Variants in NTRK3 observed in about 807,000 individuals in gnomAD.
The protein encoded by NTRK3 is NT-3 growth factor receptor.
NTRK3 carries 24 observed loss-of-function variants against 91.7 expected under a neutral mutation model. The observed-to-expected ratio is 0.26, with a 90% CI of 0.19 to 0.37. NTRK3 has a LOEUF of 0.37. Among genes scored for constraint, NTRK3 ranks in the 10% least tolerant of loss-of-function variants. The pLI, the probability that NTRK3 is intolerant of heterozygous loss-of-function variation, is 1.00. For synonymous variants in NTRK3, 483 were observed against 404.0 expected, an observed-to-expected ratio of 1.20 and a Z score of -2.34; for missense variants, 880 against 1,068.9, an observed-to-expected ratio of 0.82 and a Z score of 2.46.
chr15:87,902,871 A>G (rs1165404437), intron 17 of NTRK3, among the ~76,000 whole-genome samples: 4 of 152,144 alleles, frequency 2.6e-5, no homozygotes, highest in Non-Finnish European at 5.9e-5. Flanking sequence ...CCCAGCTAGG[A>G]TGAAACTACG....
chr15:87,987,798 A>C (rs939589396), intron 14 of NTRK3, among the ~76,000 whole-genome samples: 1 of 152,066 alleles, frequency 6.6e-6, no homozygotes, highest in Middle Eastern at 3.4e-3. Flanking sequence ...TTCCTTTAAA[A>C]GTACTACGTT....
At chr15:88,142,141 A>C (rs928510921) in intron 6 of NTRK3, among the ~76,000 whole-genome samples, 1 of 151,892 alleles carries the variant, frequency 6.6e-6, no homozygotes, top group African/African-American at 2.4e-5. Flanking sequence ...CAAGAAGCAA[A>C]GACCGGCACA....
intron 16 of NTRK3, among the ~76,000 whole-genome samples, chr15:87,931,617 G>A (rs1041354233): frequency 6.6e-6 from 1 of 152,176 alleles, no homozygotes; most frequent in Non-Finnish European, 1.5e-5. Context: ...TTATGCTAAA[G>A]ACAAAGTTCT....
chr15:88,248,922 C>A (rs1437947972), intron 3 of NTRK3, among the ~76,000 whole-genome samples: 4 of 152,168 alleles, frequency 2.6e-5, no homozygotes, highest in Non-Finnish European at 5.9e-5. Context: ...CAACAGGGTG[C>A]TTACATAATG....
intron 13 of NTRK3, among the ~76,000 whole-genome samples, chr15:88,078,300 G>T (rs538287279): frequency 6.6e-6 from 1 of 152,296 alleles, no homozygotes; most frequent in Admixed American, 6.5e-5. Flanking sequence ...TGGCGAAGAA[G>T]CACATACCTC....
At chr15:88,067,655 C>T (rs1345809379) in intron 13 of NTRK3, among the ~76,000 whole-genome samples, 2 of 152,130 alleles carry the variant, frequency 1.3e-5, no homozygotes, top group Non-Finnish European at 2.9e-5. Flanking sequence ...CTAGACCTGC[C>T]CTGGATGAGT....
intron 14 of NTRK3, among the ~76,000 whole-genome samples, chr15:87,948,701 T>C (rs2070807151): frequency 6.6e-6 from 1 of 151,860 alleles, no homozygotes; most frequent in African/African-American, 2.4e-5. Context: ...AATAAATAAA[T>C]AAAATAAAAA....
At chr15:88,184,156 C>G in intron 4 of NTRK3, 69 bp downstream of exon 4, 1 of 1,504,674 alleles carries the variant, frequency 6.6e-7, no homozygotes, top group East Asian at 2.3e-5. Context: ...CACGCCACCC[C>G]AGAAGGCAGA....
At chr15:87,910,277 A>G (rs1437314183) in intron 17 of NTRK3, among the ~76,000 whole-genome samples, 2 of 152,198 alleles carry the variant, frequency 1.3e-5, no homozygotes, top group African/African-American at 2.4e-5. Flanking sequence ...CAGGTTTTGG[A>G]CTGACCAGGC....
In NTRK3 at chr15:87,903,787, G is replaced by A. The variant is rs568849140; in HGVS notation, c.2134-23359C>T. Among the ~76,000 whole-genome samples the A allele has an allele frequency of 5.9e-5, 9 of 152,290 alleles. No individual in the cohort carries two copies. In the South Asian group the frequency reaches 1.9e-3, roughly 32 times the overall value. ...TTAATGATCTTGGATCACAAGACTT[G>A]GGATAGCAATGAAAAGGGGGGAAAC... On this transcript the variant is annotated intron_variant, in intron 17 of 18. Coordinates refer to ENST00000394480, the Ensembl canonical transcript of NTRK3.
At chr15:88,028,019 G>A (rs927889585) in intron 14 of NTRK3, among the ~76,000 whole-genome samples, 10 of 152,190 alleles carry the variant, frequency 6.6e-5, no homozygotes, top group Non-Finnish European at 2.9e-5. Flanking sequence ...CGAACAGGGT[G>A]TGGAAGGAAA....
At chr15:88,120,143 TCTAATCATTCC>T (rs1251955726) in intron 13 of NTRK3, among the ~76,000 whole-genome samples, 2 of 152,060 alleles carry the variant, frequency 1.3e-5, no homozygotes, top group East Asian at 1.9e-4. Flanking sequence ...CCTTCCCAAC[TCTAATCATTCC>T]CTTAGACAAC....
chr15:88,189,602 A>G (rs28387067), intron 3 of NTRK3, among the ~76,000 whole-genome samples: 51,351 of 151,524 alleles, frequency 0.34, 8,928 homozygotes, highest in African/African-American at 0.42. Flanking sequence ...GTGCCACCAC[A>G]CCCAGCTAAT....
intron 17 of NTRK3, among the ~76,000 whole-genome samples, chr15:87,887,580 C>G (rs1460459066): frequency 6.6e-6 from 1 of 152,140 alleles, no homozygotes; most frequent in Non-Finnish European, 1.5e-5. Flanking sequence ...ACCTAATTTC[C>G]TCAAATTTCC....
intron 5 of NTRK3, among the ~76,000 whole-genome samples, chr15:88,149,054 A>C (rs1181446357): frequency 1.3e-5 from 2 of 152,202 alleles, no homozygotes; most frequent in African/African-American, 4.8e-5. Context: ...CCAAAGAGAT[A>C]AGTCAAATTG....
intron 13 of NTRK3, among the ~76,000 whole-genome samples, chr15:88,093,919 T>G (rs2049293610): frequency 6.6e-6 from 1 of 152,298 alleles, no homozygotes; most frequent in South Asian, 2.1e-4. Flanking sequence ...GAGGTGGTAT[T>G]GCCTTCCCCA....
At chr15:88,110,178 G>C (rs933051880) in intron 13 of NTRK3, among the ~76,000 whole-genome samples, 9 of 152,048 alleles carry the variant, frequency 5.9e-5, no homozygotes, top group African/African-American at 1.9e-4. Flanking sequence ...TCATGGCATG[G>C]AAAAGAAGCC....
chr15:88,001,584 T>A (rs2076099495), intron 14 of NTRK3, among the ~76,000 whole-genome samples: 1 of 152,176 alleles, frequency 6.6e-6, no homozygotes, highest in Non-Finnish European at 1.5e-5. Flanking sequence ...GGACTATTTG[T>A]TTAAAAGACT....
chr15:88,197,581 C>CA (rs1260873586), intron 3 of NTRK3, among the ~76,000 whole-genome samples: 2 of 152,168 alleles, frequency 1.3e-5, no homozygotes, highest in Admixed American at 6.5e-5. Context: ...AGGACAGAAG[C>CA]AACTTTTTCT....
Sources: gnomAD v4.1 joint callset for allele counts (sites outside exome capture counted in the v4.1 genomes callset) on GRCh38, gnomAD v4.1.1 for gene constraint, MANE v1.5 for transcripts, NCBI Gene and HGNC (gene_info 2026-07-23, HGNC 2026-07-21) for gene names.